The following SF1 variants were observed in gnomAD, a reference collection of about 807,000 sequenced individuals.
SF1 encodes the protein splicing factor 1, also known as branch point-binding protein.
In SF1, 7 loss-of-function variants were observed where a neutral mutation model predicts 62.5. The observed-to-expected ratio is 0.11, with a 90% confidence interval of 0.06 to 0.21. The LOEUF (loss-of-function observed/expected upper bound fraction) is 0.21, where lower values mean the gene tolerates loss of function less well. Among genes scored for constraint, SF1 ranks in the 10% least tolerant of loss-of-function variants. The pLI, the probability that SF1 is intolerant of heterozygous loss-of-function variation, is 1.00. For missense variants in SF1, 578 were observed against 884.0 expected (o/e 0.65, Z 4.39); for synonymous variants, 394 against 323.6 (o/e 1.22, Z -2.33).
intron 3 of SF1, chr11:64,772,558 C>G: frequency 1.0e-6 from 1 of 985,132 alleles, no homozygotes; most frequent in Non-Finnish European, 1.2e-6. Context: ...TAACAAAAAC[C>G]AAAAACACTA....
At chr11:64,770,106 G>A (rs1938067442) in intron 4 of SF1, 53 bp from the exon 5 acceptor site, 13 of 1,580,994 alleles carry the variant, frequency 8.2e-6, no homozygotes, top group Non-Finnish European at 8.7e-6. Context: ...GACACAGCCA[G>A]CGGCTTTTCT....
chr11:64,774,033 ATAAG>A (rs1938731721), intron 2 of SF1, among the ~76,000 whole-genome samples: 1 of 152,246 alleles, frequency 6.6e-6, no homozygotes, highest in Non-Finnish European at 1.5e-5. Context: ...AATTCCTTAA[ATAAG>A]ACATTTAATA....
intron 1 of SF1, among the ~76,000 whole-genome samples, chr11:64,777,212 C>T (rs1939423765): frequency 6.6e-6 from 1 of 152,158 alleles, no homozygotes; most frequent in Admixed American, 6.5e-5. Context: ...AGGGTCTGAA[C>T]TCTTAAAAGG....
At chr11:64,772,003 C>T in intron 3 of SF1, 1 of 985,376 alleles carries the variant, frequency 1.0e-6, no homozygotes, top group Non-Finnish European at 1.2e-6. Context: ...ATTAAGCATT[C>T]TTAGCTAGTT....
At chr11:64,774,177 C>A (rs1938766729) in intron 2 of SF1, among the ~76,000 whole-genome samples, 1 of 152,206 alleles carries the variant, frequency 6.6e-6, no homozygotes, top group African/African-American at 2.4e-5. Flanking sequence ...TATTAAATGA[C>A]AAACCACATA....
Position 64,768,178 on chromosome 11 carries a change from G to A in SF1, c.996C>T (p.Thr332=). 4 of 1,614,040 alleles carry A rather than the reference G, an allele frequency of 2.5e-6. No individual in the cohort carries two copies. The highest frequency in any genetic ancestry group is 3.4e-6 in the Non-Finnish European group (4 of 1,179,958). ...CCAGGGGTGTGGTGGCAGGCCCAGA[G>A]GTGGAGCCCACAGATGCTGGGACAG... The part of the protein sequence containing the change: ...EAPVPASVGS[T]SGPATTPLAS... The change falls in exon 9 of 13, where the codon ACC becomes ACT. Residue 332 remains threonine (T), a synonymous_variant. Transcript: ENST00000377390.
In SF1 at chr11:64,770,309, G is replaced by A; in HGVS notation, c.336C>T (p.Leu112=). 2 of 1,614,034 alleles carry A rather than the reference G, an allele frequency of 1.2e-6. No homozygotes were observed. ...RKKLEEERHN[L]ITEMVALNPD... is the part of the protein sequence containing the mutation. The stretch of plus-strand genomic sequence containing the variant: ...GATTGAGTGCAACCATCTCTGTGAT[G>A]AGGTTGTGCCGCTCCTCTTCCAGCT... The change falls in exon 4 of 13, where the codon CTC becomes CTT. Residue 112 remains leucine, a synonymous_variant. Coordinates refer to ENST00000377390, the MANE Select transcript of SF1 (RefSeq NM_004630.4).
At chr11:64,772,013 T>C (rs1483998721) in intron 3 of SF1, 1 of 985,248 alleles carries the variant, frequency 1.0e-6, no homozygotes, top group Admixed American at 6.2e-5. Flanking sequence ...CTTAGCTAGT[T>C]ACAAAAACAA....
At position 64,778,076 on chromosome 11, in the gene SF1, G is replaced by A. The variant is rs924853045; in HGVS notation, c.31+286C>T. 37 of 965,770 alleles carry A rather than the reference G, an allele frequency of 3.8e-5. No individual in the cohort carries two copies. In the Admixed American group the frequency reaches 8.8e-4, roughly 23 times the overall value. 59.8% of individuals were successfully genotyped at this position (965,770 alleles called of 1,614,324 possible). On this transcript the variant is annotated intron_variant, in intron 1 of 12. Coordinates refer to ENST00000377390, the MANE Select transcript of SF1 (RefSeq NM_004630.4). ...CGGCGGCGACACGCGCTGGTAGAGC[G>A]GCGGCGGAGGGGGCGGCTGCGGCGG...
At chr11:64,777,093 T>A (rs1386079797) in intron 1 of SF1, among the ~76,000 whole-genome samples, 1 of 152,200 alleles carries the variant, frequency 6.6e-6, no homozygotes, top group Non-Finnish European at 1.5e-5. Context: ...CAACTAAACC[T>A]AGTTACACCC....
At chr11:64,766,866 A>ACCC in intron 12 of SF1, 34 bp downstream of exon 12, 1 of 181,354 alleles carries the variant, frequency 5.5e-6, no homozygotes, top group Non-Finnish European at 1.0e-5. Flanking sequence ...CCCCCATCCC[A>ACCC]CCCACCCCCA....
chr11:64,773,917 G>GT lies in SF1; in HGVS notation c.161-413dup, dbSNP rs151036026. ...CAAATTACTTGAGGGCAAGAATTGA[G>GT]TTTTTTCTTCATTAAATGTTAAACA... On this transcript the variant is annotated intron_variant, in intron 2 of 12. Coordinates refer to ENST00000377390, the MANE Select transcript of SF1 (RefSeq NM_004630.4). Among the ~76,000 whole-genome samples the GT allele has an allele frequency of 8.3e-3, 1,269 of 152,244 alleles. 20 individuals carry two copies. The highest frequency in any genetic ancestry group is 0.029 in the African/African-American group (1,210 of 41,518).
intron 2 of SF1, among the ~76,000 whole-genome samples, chr11:64,774,991 A>C (rs531839877): frequency 6.6e-6 from 1 of 151,738 alleles, no homozygotes; most frequent in Non-Finnish European, 1.5e-5. Flanking sequence ...TATTGAGGGC[A>C]TCCTGGACAA....
Position 64,765,707 on chromosome 11 carries a change from A to G in SF1, c.*111T>C. Reference sequence around the variant, plus strand: ...CGTGCACACACACACATGCGTGCACACACAATCACATGCGTGCGTCCCAAT... The same window carrying G: ...CGTGCACACACACACATGCGTGCACGCACAATCACATGCGTGCGTCCCAAT... On this transcript the variant is annotated 3_prime_UTR_variant, in exon 13 of 13. Transcript: ENST00000377390. 6.8e-7 allele frequency: 1 copy of G among 1,461,860 alleles called. No homozygotes were observed. Among genetic ancestry groups the G allele is most frequent in the Non-Finnish European group, 9.0e-7 (1 of 1,108,364 alleles). The allele number at this position is 1,461,860 out of a possible 1,614,324, so 90.6% of individuals were successfully genotyped here. A position where few individuals can be genotyped will look rare whatever the true frequency, so the allele number is the denominator to read the frequency against.
At chr11:64,771,302 TAA>T (rs996508561) in intron 3 of SF1, among the ~76,000 whole-genome samples, 3 of 152,036 alleles carry the variant, frequency 2.0e-5, no homozygotes, top group African/African-American at 4.8e-5. Context: ...TTTGCGGTAA[TAA>T]AAAAGAGAGG....
At chr11:64,770,610 T>A in intron 3 of SF1, 3 of 483,554 alleles carry the variant, frequency 6.2e-6, no homozygotes, top group Non-Finnish European at 7.2e-6. Context: ...CTGGGGTGTG[T>A]GTGAGAAAGG....
At chr11:64,771,684 A>G in intron 3 of SF1, 2 of 985,464 alleles carry the variant, frequency 2.0e-6, no homozygotes, top group Non-Finnish European at 2.4e-6. Flanking sequence ...ACAAAAGCAA[A>G]CATACCCCAG....
intron 12 of SF1, chr11:64,766,645 G>A (rs903161483): frequency 2.3e-5 from 10 of 439,072 alleles, no homozygotes; most frequent in African/African-American, 1.2e-4. Context: ...CTGGACTTCT[G>A]GCCCCCTACC....
intron 1 of SF1, chr11:64,778,039 TGGCGGCGGCTGC>T: frequency 9.9e-7 from 1 of 1,005,170 alleles, no homozygotes; most frequent in Non-Finnish European, 1.2e-6. Context: ...GCGGCTGGGG[TGGCGGCGGCTGC>T]GGCGGCGACA....
Sources: allele counts gnomAD v4.1 joint callset (sites outside exome capture counted in the v4.1 genomes callset), GRCh38; gene constraint gnomAD v4.1.1; transcripts MANE v1.5; gene names NCBI Gene and HGNC (gene_info 2026-07-23, HGNC 2026-07-21).